HGH1: variants seen among roughly 807,000 people sequenced by gnomAD.
HGH1 encodes the protein HGH1 cochaperone.
A neutral mutation model predicts 31.7 loss-of-function variants in HGH1; 31 were observed. The ratio of observed to expected loss-of-function variants is 0.98; its 90% confidence interval spans 0.73 to 1.32. The LOEUF is 1.32. HGH1 is among the 40% of genes most tolerant of loss of function. The pLI is 0.00. For missense variants in HGH1, 618 were observed against 594.4 expected (o/e 1.04, Z -0.41); for synonymous variants, 284 against 293.6 (o/e 0.97, Z 0.34).
Position 144,139,462 on chromosome 8 carries a change from G to A in HGH1, c.1083G>A (p.Gln361=). Residue 361 remains glutamine, a synonymous_variant, in exon 6 of 6, where the codon CAG becomes CAA. Coordinates refer to ENST00000347708, the MANE Select transcript of HGH1 (RefSeq NM_016458.4). ...LEVQVPEDVE[Q]QLQQLDCREQ... ...TGCAGGTGCCTGAGGATGTGGAGCA[G>A]CAGCTGCAGCAGCTGGATTGCAGGG... is the stretch of plus-strand genomic sequence containing the variant. 6.3e-7 allele frequency: 1 copy of A among 1,582,922 alleles called. No individual in the cohort carries two copies. Among genetic ancestry groups the A allele is most frequent in the Non-Finnish European group, 8.6e-7 (1 of 1,164,346 alleles).
chr8:144,139,787 G>A lies in HGH1; in HGVS notation c.*235G>A, dbSNP rs1031605009. On this transcript the variant is annotated 3_prime_UTR_variant, in exon 6 of 6. Coordinates refer to ENST00000347708, the MANE Select transcript of HGH1 (RefSeq NM_016458.4). ...AGAGCAGTACTGTGAGGTAGGCACC[G>A]TGACTCGGCTGCCTGTGCAGAAGGT... 2.2e-5 allele frequency: 14 copies of A among 646,820 alleles called. No homozygotes were observed. The highest frequency in any genetic ancestry group is 2.9e-5 in the Non-Finnish European group (11 of 383,426). 40.1% of individuals were successfully genotyped at this position (646,820 alleles called of 1,614,324 possible). A position where few individuals can be genotyped will look rare whatever the true frequency, so the allele number is the denominator to read the frequency against.
In HGH1 at chr8:144,140,147, TC is replaced by T; in HGVS notation, c.*597del. 6.2e-6 allele frequency: 1 copy of T among 161,440 alleles called. No homozygotes were observed. The highest frequency in any genetic ancestry group is 5.6e-5 in the Admixed American group (1 of 17,728). The allele number at this position is 161,440 out of a possible 1,614,324, so 10.0% of individuals were successfully genotyped here. A position where few individuals can be genotyped will look rare whatever the true frequency, so the allele number is the denominator to read the frequency against. ...CAACCCTTGTCAGCTCCCTAAGTCT[TC>T]CTGTTTCCCAGTCTCAGATTGAGTG... is the stretch of plus-strand genomic sequence containing the variant. On this transcript the variant is annotated 3_prime_UTR_variant, in exon 6 of 6. Coordinates refer to ENST00000347708, the MANE Select transcript of HGH1 (RefSeq NM_016458.4).
chr8:144,138,052 C>A lies in HGH1; in HGVS notation c.217C>A (p.Pro73Thr). Residue 73 changes from proline (P) to threonine (T), a missense_variant, in exon 1 of 6, where the codon CCG (proline) becomes ACG (threonine). Coordinates refer to ENST00000347708, the MANE Select transcript of HGH1 (RefSeq NM_016458.4). ...ALLQALMELA[P>T]ASAPARDAAR... ...GCTGCAGGCGCTGATGGAGCTGGCG[C>A]CGGCCTCTGCCCCGGCCCGGGACGC... 7.6e-7 allele frequency: 1 copy of A among 1,309,576 alleles called. No individual in the cohort carries two copies. The highest frequency in any genetic ancestry group is 9.7e-7 in the Non-Finnish European group (1 of 1,026,278). The allele number at this position is 1,309,576 out of a possible 1,614,324, so 81.1% of individuals were successfully genotyped here.
chr8:144,138,717 C>T lies in HGH1; in HGVS notation c.697C>T (p.His233Tyr). ...TCCCCACCCTCACCATCCCTCAGGA[C>T]ATCACGAGTGGTTGCTTGGACCTGA... ...TLRNCCFEHR[H>Y]HEWLLGPEVD... Residue 233 changes from histidine (H) to tyrosine (Y), a missense_variant and splice_region_variant, in exon 3 of 6, where the codon CAT (histidine) becomes TAT (tyrosine). Coordinates refer to ENST00000347708, the MANE Select transcript of HGH1 (RefSeq NM_016458.4). 1 of 1,613,920 alleles carries T rather than the reference C, an allele frequency of 6.2e-7. No individual in the cohort carries two copies. Among genetic ancestry groups the T allele is most frequent in the African/African-American group, 1.3e-5 (1 of 75,028 alleles).
In HGH1 at chr8:144,138,034, G is replaced by A; in HGVS notation, c.199G>A (p.Ala67Thr). ...LLAGQAALLQALMELAPASAP... is the reference protein window; with the variant it reads ...LLAGQAALLQTLMELAPASAP... ...GGCGGGGCAGGCGGCGCTGCTGCAG[G>A]CGCTGATGGAGCTGGCGCCGGCCTC... Residue 67 changes from alanine to threonine, a missense_variant, in exon 1 of 6, where the codon GCG (alanine) becomes ACG (threonine). Physicochemically the swap from Ala to Thr is moderately conservative, Grantham distance 58. Coordinates refer to ENST00000347708, the MANE Select transcript of HGH1 (RefSeq NM_016458.4). 3 of 1,307,400 alleles carry A rather than the reference G, an allele frequency of 2.3e-6. 1 individual carries two copies. The highest frequency in any genetic ancestry group is 2.9e-6 in the Non-Finnish European group (3 of 1,026,102). The allele number at this position is 1,307,400 out of a possible 1,614,324, so 81.0% of individuals were successfully genotyped here.
chr8:144,139,264 T>C lies in HGH1; in HGVS notation c.961T>C (p.Trp321Arg). ...AYLILRELHS[W>R]EPEPDVRTAC... ...CCTGATCCTTCGAGAGCTGCACAGCTGGGAGCCGGAGCCCGACGTGCGGAC... is the reference window on the plus strand; with the variant it reads ...CCTGATCCTTCGAGAGCTGCACAGCCGGGAGCCGGAGCCCGACGTGCGGAC... Residue 321 changes from tryptophan (W) to arginine (R), a missense_variant, in exon 5 of 6, where the codon TGG (tryptophan) becomes CGG (arginine). Transcript: ENST00000347708. 1.2e-6 allele frequency: 2 copies of C among 1,613,948 alleles called. No individual in the cohort carries two copies. Among genetic ancestry groups the C allele is most frequent in the African/African-American group, 1.3e-5 (1 of 75,046 alleles).
rs1194921854 is a variant in HGH1, at chr8:144,139,307, T to C, written c.1004T>C (p.Ile335Thr). 2.5e-6 allele frequency: 4 copies of C among 1,613,934 alleles called. No individual in the cohort carries two copies. The Admixed American group carries it at 6.7e-5, about 27-fold the overall frequency. The change falls in exon 5 of 6, where the codon ATC (isoleucine) becomes ACC (threonine). Residue 335 changes from isoleucine (I) to threonine (T), a missense_variant. Transcript: ENST00000347708. Reference protein sequence around the residue: ...PDVRTACEKLIQVLIGDEPER... With the variant: ...PDVRTACEKLTQVLIGDEPER... ...GTGCGGACGGCTTGTGAGAAGCTCATCCAGGTTGGTGCAGGGTTGGAGAGG... is the reference window on the plus strand; with the variant it reads ...GTGCGGACGGCTTGTGAGAAGCTCACCCAGGTTGGTGCAGGGTTGGAGAGG...
chr8:144,137,791 G>A lies in HGH1; in HGVS notation c.-45G>A. 1.6e-6 allele frequency: 2 copies of A among 1,226,968 alleles called. No homozygotes were observed. The highest frequency in any genetic ancestry group is 2.0e-6 in the Non-Finnish European group (2 of 980,126). 76.0% of individuals were successfully genotyped at this position (1,226,968 alleles called of 1,614,324 possible). A position where few individuals can be genotyped will look rare whatever the true frequency, so the allele number is the denominator to read the frequency against. On this transcript the variant is annotated 5_prime_UTR_variant, in exon 1 of 6. Coordinates refer to ENST00000347708, the MANE Select transcript of HGH1 (RefSeq NM_016458.4). ...TGCGGGCCACACAGCGGACCCCTAA[G>A]CGGACCGCTGGCACCGGTCGGGTGG... is the stretch of plus-strand genomic sequence containing the variant.
chr8:144,139,131 A>G (rs1587642209), intron 4 of HGH1, 31 bp downstream of exon 4: 1 of 1,613,866 alleles, frequency 6.2e-7, no homozygotes, highest in South Asian at 1.1e-5. Flanking sequence ...AATAAGCACC[A>G]CCCCAACACA....
chr8:144,138,798 G>A lies in HGH1; in HGVS notation c.778G>A (p.Glu260Lys), dbSNP rs370307214. The change falls in exon 3 of 6, where the codon GAG becomes AAG. Residue 260 changes from glutamate (E) to lysine (K), a missense_variant. Physicochemically the swap from Glu to Lys is moderately conservative, Grantham distance 56. Coordinates refer to ENST00000347708, the MANE Select transcript of HGH1 (RefSeq NM_016458.4). Reference sequence around the variant, plus strand: ...CTTGGCTGGGCCTGAGGATTTCTCCGAGGAAGAGATGGAACGTGAGTGGCT... The same window carrying A: ...CTTGGCTGGGCCTGAGGATTTCTCCAAGGAAGAGATGGAACGTGAGTGGCT... ...LPLAGPEDFS[E>K]EEMERLPVDL... 29 of 1,613,856 alleles carry A rather than the reference G, an allele frequency of 1.8e-5. No homozygotes were observed. Among genetic ancestry groups the A allele is most frequent in the African/African-American group, 1.1e-4 (8 of 74,922 alleles).
rs1489575580 is a variant in HGH1, at chr8:144,138,765, C to T, written c.745C>T (p.Leu249Phe). Residue 249 changes from leucine to phenylalanine, a missense_variant, in exon 3 of 6, where the codon CTC becomes TTC. Physicochemically the swap from Leu to Phe is conservative, Grantham distance 22. Transcript: ENST00000347708. Reference protein sequence around the residue: ...GPEVDILPFLLLPLAGPEDFS... With the variant: ...GPEVDILPFLFLPLAGPEDFS... ...TGAGGTGGACATTCTCCCCTTTTTG[C>T]TCCTGCCCTTGGCTGGGCCTGAGGA... 4 of 1,613,920 alleles carry T rather than the reference C, an allele frequency of 2.5e-6. No individual in the cohort carries two copies. The highest frequency in any genetic ancestry group is 4.5e-5 in the East Asian group (2 of 44,870).
rs1010301665 is a variant in HGH1, at chr8:144,138,770, G to A, written c.750G>A (p.Leu250=). The A allele has an allele frequency of 1.2e-6, 2 of 1,613,886 alleles. No homozygotes were observed. The highest frequency in any genetic ancestry group is 1.7e-6 in the Non-Finnish European group (2 of 1,179,830). The change falls in exon 3 of 6, where the codon CTG becomes CTA. Residue 250 remains leucine, a synonymous_variant. Transcript: ENST00000347708. The part of the protein sequence containing the change: ...PEVDILPFLL[L]PLAGPEDFSE... ...TGGACATTCTCCCCTTTTTGCTCCT[G>A]CCCTTGGCTGGGCCTGAGGATTTCT...
chr8:144,139,924 A>G lies in HGH1; in HGVS notation c.*372A>G, dbSNP rs1012231296. The G allele has an allele frequency of 3.1e-4, 122 of 399,120 alleles. No homozygotes were observed. The highest frequency in any genetic ancestry group is 2.2e-3 in the African/African-American group (110 of 49,206). The allele number at this position is 399,120 out of a possible 1,614,324, so 24.7% of individuals were successfully genotyped here. A position where few individuals can be genotyped will look rare whatever the true frequency, so the allele number is the denominator to read the frequency against. Reference sequence around the variant, plus strand: ...CCAAGGAGCCAGCTGAAGCCTCCCAATCCCCAGGGCACTGCAGAGTCTGGG... The same window carrying G: ...CCAAGGAGCCAGCTGAAGCCTCCCAGTCCCCAGGGCACTGCAGAGTCTGGG... On this transcript the variant is annotated 3_prime_UTR_variant, in exon 6 of 6. Coordinates refer to ENST00000347708, the MANE Select transcript of HGH1 (RefSeq NM_016458.4).
intron 3 of HGH1, 66 bp from the exon 4 acceptor site, chr8:144,138,943 C>A: frequency 5.0e-6 from 8 of 1,600,728 alleles, no homozygotes; most frequent in Admixed American, 1.8e-5. Flanking sequence ...GTGGGACTTA[C>A]ACAGGCAGAG....
At position 144,139,416 on chromosome 8, in the gene HGH1, G is replaced by A; in HGVS notation, c.1037G>A (p.Gly346Asp). ...CTTATTGGGGACGAGCCTGAACGTG[G>A]CATGGAAAACCTGCTGGAGGTGCAG... ...QVLIGDEPER[G>D]MENLLEVQVP... The change falls in exon 6 of 6, where the codon GGC (glycine) becomes GAC (aspartate). Residue 346 changes from glycine (G) to aspartate (D), a missense_variant. Transcript: ENST00000347708. 3 of 1,611,368 alleles carry A rather than the reference G, an allele frequency of 1.9e-6. No individual in the cohort carries two copies. The highest frequency in any genetic ancestry group is 2.2e-5 in the East Asian group (1 of 44,834).
At position 144,139,686 on chromosome 8, in the gene HGH1, G is replaced by A. The variant is rs55887755; in HGVS notation, c.*134G>A. 1.2e-5 allele frequency: 16 copies of A among 1,312,896 alleles called. No homozygotes were observed. The South Asian group carries it at 1.4e-4, about 11-fold the overall frequency. The allele number at this position is 1,312,896 out of a possible 1,614,324, so 81.3% of individuals were successfully genotyped here. A position where few individuals can be genotyped will look rare whatever the true frequency, so the allele number is the denominator to read the frequency against. ...GTGCTCTTCTGAGAAGCAGAGCTAC[G>A]CTTAGGCTCCAGTAAGGATTGGAGG... is the stretch of plus-strand genomic sequence containing the variant. On this transcript the variant is annotated 3_prime_UTR_variant, in exon 6 of 6. Transcript: ENST00000347708.
Position 144,138,020 on chromosome 8 carries a change from CGGCGCTGCTGCA to C in HGH1, c.193_204del (p.Leu65_Leu68del), listed in dbSNP as rs1457417811. ...GGCCGCGCGCTGTTGGCGGGGCAGG[CGGCGCTGCTGCA>C]GGCGCTGATGGAGCTGGCGCCGGCC... On this transcript the variant is annotated inframe_deletion, in exon 1 of 6. Coordinates refer to ENST00000347708, the MANE Select transcript of HGH1 (RefSeq NM_016458.4). 6.9e-6 allele frequency: 9 copies of C among 1,305,312 alleles called. No individual in the cohort carries two copies. The highest frequency in any genetic ancestry group is 8.8e-6 in the Non-Finnish European group (9 of 1,026,038). The allele number at this position is 1,305,312 out of a possible 1,614,324, so 80.9% of individuals were successfully genotyped here. A position where few individuals can be genotyped will look rare whatever the true frequency, so the allele number is the denominator to read the frequency against.
chr8:144,137,837 TG>T lies in HGH1; in HGVS notation c.7del (p.Glu3?), dbSNP rs1336463461. On this transcript the variant is annotated frameshift_variant and start_lost, in exon 1 of 6. Transcript: ENST00000347708. LOFTEE classifies it high-confidence loss of function. The part of the protein sequence containing the change: [M>X]GEAGAGAGAS... ...GGTGGCAGCAGAGTGTCGCTCGACA[TG>T]GGGGAGGCCGGGGCTGGCGCTGGCG... 8 of 1,277,920 alleles carry T rather than the reference TG, an allele frequency of 6.3e-6. No homozygotes were observed. The highest frequency in any genetic ancestry group is 5.2e-5 in the South Asian group (2 of 38,818). The allele number at this position is 1,277,920 out of a possible 1,614,324, so 79.2% of individuals were successfully genotyped here.
chr8:144,137,807 G>C lies in HGH1; in HGVS notation c.-29G>C. The stretch of plus-strand genomic sequence containing the variant: ...GACCCCTAAGCGGACCGCTGGCACC[G>C]GTCGGGTGGCAGCAGAGTGTCGCTC... On this transcript the variant is annotated 5_prime_UTR_variant, in exon 1 of 6. Coordinates refer to ENST00000347708, the MANE Select transcript of HGH1 (RefSeq NM_016458.4). 1 of 1,238,398 alleles carries C rather than the reference G, an allele frequency of 8.1e-7. No individual in the cohort carries two copies. 76.7% of individuals were successfully genotyped at this position (1,238,398 alleles called of 1,614,324 possible).
Sources: gnomAD v4.1 joint callset for allele counts on GRCh38, gnomAD v4.1.1 for gene constraint, MANE v1.5 for transcripts, NCBI Gene and HGNC (gene_info 2026-07-23, HGNC 2026-07-21) for gene names.